The following AMBRA1 variants were observed in gnomAD, a reference collection of about 807,000 sequenced individuals.
AMBRA1 encodes the protein activating molecule in BECN1-regulated autophagy protein 1.
Under a neutral mutation model 125.4 loss-of-function variants are expected in AMBRA1, and 47 were observed. The observed-to-expected ratio is 0.37, with a 90% CI of 0.30 to 0.48. AMBRA1 has a LOEUF of 0.48. Ranked by LOEUF, AMBRA1 falls within the 20% of genes least tolerant of loss-of-function variation. AMBRA1 has a pLI of 0.99. For synonymous variants in AMBRA1, 626 were observed against 655.5 expected, an observed-to-expected ratio of 0.95 and a Z score of 0.69; for missense variants, 1,331 against 1,693.4, an observed-to-expected ratio of 0.79 and a Z score of 3.76.
At chr11:46,522,107 C>A (rs777924321) in intron 7 of AMBRA1, among the ~76,000 whole-genome samples, 2 of 152,176 alleles carry the variant, frequency 1.3e-5, no homozygotes, top group Non-Finnish European at 2.9e-5. Context: ...AGAATGTATA[C>A]ATAGTGTGCA....
At chr11:46,528,460 C>T (rs1278324579) in intron 7 of AMBRA1, among the ~76,000 whole-genome samples, 2 of 152,154 alleles carry the variant, frequency 1.3e-5, no homozygotes, top group African/African-American at 2.4e-5. Flanking sequence ...CGTGAGCCAC[C>T]GCGCCCAGCC....
At chr11:46,531,893 G>A (rs892777921) in intron 7 of AMBRA1, among the ~76,000 whole-genome samples, 1 of 152,068 alleles carries the variant, frequency 6.6e-6, no homozygotes, top group East Asian at 1.9e-4. Flanking sequence ...CAAGGGCAGC[G>A]GATCACTTGA....
chr11:46,397,529 G>A lies in AMBRA1; in HGVS notation c.3818C>T (p.Thr1273Ile). The change falls in exon 18 of 18, where the codon ACC becomes ATC. Residue 1273 changes from threonine to isoleucine, a missense_variant. Thr to Ile is a moderately conservative substitution (Grantham distance 89). Transcript: ENST00000683756. ...AEGPTLHCEL[T>I]NNNHLLDGGS... ...ACCATCCAGAAGGTGGTTGTTATTG[G>A]TCAACTCGCAGTGGAGGGTTGGTCC... 6.5e-7 allele frequency: 1 copy of A among 1,543,478 alleles called. No individual in the cohort carries two copies. Among genetic ancestry groups the A allele is most frequent in the Non-Finnish European group, 8.8e-7 (1 of 1,142,540 alleles).
intron 17 of AMBRA1, among the ~76,000 whole-genome samples, chr11:46,407,186 A>G (rs1946065420): frequency 6.6e-6 from 1 of 152,216 alleles, no homozygotes; most frequent in African/African-American, 2.4e-5. Flanking sequence ...CTTAGGTGAC[A>G]GAGTGAGACT....
chr11:46,510,713 T>C (rs543966887), intron 8 of AMBRA1, among the ~76,000 whole-genome samples: 1 of 152,324 alleles, frequency 6.6e-6, no homozygotes, highest in South Asian at 2.1e-4. Context: ...AATTATTAAA[T>C]ACAAGTATAT....
intron 11 of AMBRA1, among the ~76,000 whole-genome samples, chr11:46,447,015 G>C (rs973826486): frequency 1.3e-5 from 2 of 152,196 alleles, no homozygotes; most frequent in Non-Finnish European, 2.9e-5. Flanking sequence ...GTGTGACTTT[G>C]TATAAATTAA....
At chr11:46,585,026 C>T (rs1421270919) in intron 1 of AMBRA1, among the ~76,000 whole-genome samples, 1 of 152,062 alleles carries the variant, frequency 6.6e-6, no homozygotes, top group Non-Finnish European at 1.5e-5. Flanking sequence ...GATCACACCA[C>T]TCACTGCACT....
intron 14 of AMBRA1, among the ~76,000 whole-genome samples, chr11:46,420,347 A>T (rs1160171948): frequency 6.6e-6 from 1 of 152,192 alleles, no homozygotes; most frequent in Non-Finnish European, 1.5e-5. Context: ...CCTTTGGATC[A>T]TCTCCTCCTG....
intron 17 of AMBRA1, among the ~76,000 whole-genome samples, chr11:46,403,839 A>G (rs1945876007): frequency 6.6e-6 from 1 of 152,130 alleles, no homozygotes; most frequent in Non-Finnish European, 1.5e-5. Context: ...GAAAAGGGCC[A>G]AGGGGAGTGG....
chr11:46,505,882 A>AG (rs1565228728), intron 9 of AMBRA1, among the ~76,000 whole-genome samples: 1 of 152,156 alleles, frequency 6.6e-6, no homozygotes, highest in Non-Finnish European at 1.5e-5. Flanking sequence ...TGAAGGCATG[A>AG]GCCCCACATT....
At chr11:46,523,532 A>G (rs1017276585) in intron 7 of AMBRA1, among the ~76,000 whole-genome samples, 1 of 152,220 alleles carries the variant, frequency 6.6e-6, no homozygotes, top group Non-Finnish European at 1.5e-5. Context: ...AAGCCATTCA[A>G]TTCCCTGCTT....
intron 1 of AMBRA1, among the ~76,000 whole-genome samples, chr11:46,572,907 T>C (rs1411655370): frequency 6.6e-6 from 1 of 151,696 alleles, no homozygotes; most frequent in Non-Finnish European, 1.5e-5. Flanking sequence ...CTGCCCAACC[T>C]GGTGAAACTC....
intron 11 of AMBRA1, among the ~76,000 whole-genome samples, chr11:46,492,564 G>A (rs1050132975): frequency 4.6e-5 from 7 of 152,114 alleles, no homozygotes; most frequent in African/African-American, 1.4e-4. Flanking sequence ...TTTATAAGTC[G>A]GCAGTGGAGG....
chr11:46,468,103 TCA>T (rs992695183), intron 11 of AMBRA1, among the ~76,000 whole-genome samples: 3 of 152,222 alleles, frequency 2.0e-5, no homozygotes, highest in African/African-American at 7.2e-5. Flanking sequence ...TTGGAAACCC[TCA>T]CACATTTGTT....
At position 46,495,643 on chromosome 11, in the gene AMBRA1, T is replaced by TTCC. The variant is rs778568501; in HGVS notation, c.2340-1442_2340-1440dup. On this transcript the variant is annotated intron_variant, in intron 9 of 17. Transcript: ENST00000683756. ...TTAAAGAGAACAATGGAATCAGGAG[T>TTCC]TCCTGACCAGCAGACTGCAGTTACT... 3.9e-5 allele frequency: 6 copies of TTCC among 151,922 alleles called. No homozygotes were observed. The East Asian group carries it at 1.2e-3, about 29-fold the overall frequency. 9.4% of individuals were successfully genotyped at this position (151,922 alleles called of 1,614,324 possible). A position where few individuals can be genotyped will look rare whatever the true frequency, so the allele number is the denominator to read the frequency against.
intron 17 of AMBRA1, among the ~76,000 whole-genome samples, chr11:46,407,362 T>C (rs1278177529): frequency 6.6e-6 from 1 of 152,226 alleles, no homozygotes; most frequent in Admixed American, 6.5e-5. Context: ...GAGAAGCCCG[T>C]GGTGGTTCCC....
chr11:46,554,675 T>C (rs756810309), intron 1 of AMBRA1, among the ~76,000 whole-genome samples: 3 of 152,188 alleles, frequency 2.0e-5, no homozygotes, highest in Non-Finnish European at 4.4e-5. Context: ...CTCTGTTCCC[T>C]GTAAAGAACA....
intron 11 of AMBRA1, among the ~76,000 whole-genome samples, chr11:46,444,691 A>G (rs1370343200): frequency 6.6e-6 from 1 of 152,198 alleles, no homozygotes; most frequent in Non-Finnish European, 1.5e-5. Flanking sequence ...TCCTCTGCAC[A>G]TCACTGCAAA....
chr11:46,481,885 T>C (rs553073074), intron 11 of AMBRA1, among the ~76,000 whole-genome samples: 1 of 152,350 alleles, frequency 6.6e-6, no homozygotes, highest in South Asian at 2.1e-4. Flanking sequence ...ATCATAGCAA[T>C]GCTGCTGGTG....
Sources: gnomAD v4.1 joint callset for allele counts (sites outside exome capture counted in the v4.1 genomes callset) on GRCh38, gnomAD v4.1.1 for gene constraint, MANE v1.5 for transcripts, NCBI Gene and HGNC (gene_info 2026-07-23, HGNC 2026-07-21) for gene names.